Variants in TRABD2A observed in about 807,000 individuals in gnomAD.
TRABD2A encodes the protein TraB domain containing 2A.
TRABD2A carries 43 observed loss-of-function variants against 45.6 expected under a neutral mutation model. The ratio of observed to expected loss-of-function variants is 0.94; its 90% CI spans 0.74 to 1.22. The LOEUF (loss-of-function observed/expected upper bound fraction) is 1.22, where lower values mean the gene tolerates loss of function less well. Among genes scored for constraint, TRABD2A ranks in the 50% most tolerant of loss-of-function variants. The pLI is 0.00. For synonymous variants in TRABD2A, 269 were observed against 265.0 expected, an observed-to-expected ratio of 1.02 and a Z score of -0.15; for missense variants, 642 against 652.4, an observed-to-expected ratio of 0.98 and a Z score of 0.17.
intron 3 of TRABD2A, among the ~76,000 whole-genome samples, chr2:84,840,700 TC>T (rs547422504): frequency 6.6e-6 from 1 of 152,074 alleles, no homozygotes; most frequent in Non-Finnish European, 1.5e-5. Context: ...TTGACTTTTC[TC>T]CCCCCTTCCC....
At chr2:84,846,009 C>G (rs1024153935) in intron 2 of TRABD2A, among the ~76,000 whole-genome samples, 1 of 152,108 alleles carries the variant, frequency 6.6e-6, no homozygotes, top group Admixed American at 6.5e-5. Context: ...AAGTTAAACT[C>G]TCTGATTTCA....
intron 2 of TRABD2A, among the ~76,000 whole-genome samples, chr2:84,855,820 T>C (rs1559093173): frequency 1.3e-5 from 2 of 152,144 alleles, no homozygotes; most frequent in Non-Finnish European, 2.9e-5. Flanking sequence ...CATTGTTGCG[T>C]TAGCCCAGGG....
intron 2 of TRABD2A, among the ~76,000 whole-genome samples, chr2:84,850,484 T>G (rs1682045321): frequency 6.6e-6 from 1 of 151,982 alleles, no homozygotes; most frequent in African/African-American, 2.4e-5. Flanking sequence ...CCAATGGGCG[T>G]GTGACAGCAA....
At chr2:84,840,417 A>ATCC (rs1370949815) in intron 3 of TRABD2A, among the ~76,000 whole-genome samples, 18 of 152,124 alleles carry the variant, frequency 1.2e-4, no homozygotes, top group Admixed American at 1.3e-4. Flanking sequence ...TCCCTCTGAC[A>ATCC]TCCTGCTCCA....
chr2:84,840,870 G>A (rs972876280), intron 3 of TRABD2A, among the ~76,000 whole-genome samples: 3 of 151,926 alleles, frequency 2.0e-5, no homozygotes, highest in Non-Finnish European at 4.4e-5. Flanking sequence ...CATCTTTTGA[G>A]GCTTCTGTCA....
chr2:84,829,721 A>G (rs187738498), intron 5 of TRABD2A, among the ~76,000 whole-genome samples: 80 of 150,088 alleles, frequency 5.3e-4, no homozygotes, highest in African/African-American at 1.9e-3. Flanking sequence ...CACCACACAC[A>G]TGCACAGTAC....
chr2:84,869,729 C>T (rs1234902785), intron 2 of TRABD2A, among the ~76,000 whole-genome samples: 1 of 152,142 alleles, frequency 6.6e-6, no homozygotes, highest in African/African-American at 2.4e-5. Context: ...CCTGTAATCC[C>T]AGCACTTTGG....
At chr2:84,864,775 T>C (rs1229377855) in intron 2 of TRABD2A, among the ~76,000 whole-genome samples, 3 of 152,256 alleles carry the variant, frequency 2.0e-5, no homozygotes, top group Non-Finnish European at 2.9e-5. Flanking sequence ...ACCTGCAAAG[T>C]ACAAAACAAG....
rs1274931888 is a variant in TRABD2A at position 84,830,650 on chromosome 2, G to A, written c.1082+1405C>T. Among the ~76,000 whole-genome samples the A allele has an allele frequency of 1.3e-5, 2 of 152,162 alleles. No individual in the cohort carries two copies. Among genetic ancestry groups the A allele is most frequent in the Non-Finnish European group, 2.9e-5 (2 of 68,030 alleles). ...GGAAAATGAGCAGTCTCACATCAGC[G>A]CTTCTGTAAACTAGAAAGTGCTCTG... On this transcript the variant is annotated intron_variant, in intron 5 of 6. Transcript: ENST00000409520. The surrounding 1 kb of genome is among the most constrained non-coding windows in gnomAD (Gnocchi z 4.9).
chr2:84,877,363 A>G (rs1331798757), intron 1 of TRABD2A, among the ~76,000 whole-genome samples: 1 of 152,196 alleles, frequency 6.6e-6, no homozygotes, highest in Non-Finnish European at 1.5e-5. Flanking sequence ...GAAGCCATAG[A>G]TTTTAACATT....
At chr2:84,860,202 T>A (rs971940551) in intron 2 of TRABD2A, among the ~76,000 whole-genome samples, 1 of 152,168 alleles carries the variant, frequency 6.6e-6, no homozygotes, top group African/African-American at 2.4e-5. Flanking sequence ...ACTTTGCAAC[T>A]TTACCCTGGG....
Position 84,832,089 on chromosome 2 carries a change from C to A in TRABD2A, c.1048G>T (p.Val350Leu). ...LDVLRREGYE[V>L]EHAPAGRPIH... ...GGTCGTCCAGCAGGGGCGTGTTCTA[C>A]CTCATAGCCTTCACGCCGCAAAACA... is the stretch of plus-strand genomic sequence containing the variant. Residue 350 changes from valine (V) to leucine (L), a missense_variant, in exon 5 of 7, where the codon GTA (valine) becomes TTA (leucine). Coordinates refer to ENST00000409520, the MANE Select transcript of TRABD2A (RefSeq NM_001277053.2). 1 of 1,614,048 alleles carries A rather than the reference C, an allele frequency of 6.2e-7. No individual in the cohort carries two copies. Among genetic ancestry groups the A allele is most frequent in the Middle Eastern group, 1.7e-4 (1 of 6,060 alleles).
chr2:84,869,993 T>C (rs1476889437), intron 2 of TRABD2A, among the ~76,000 whole-genome samples: 1 of 128,980 alleles, frequency 7.8e-6, no homozygotes, highest in African/African-American at 3.1e-5. Context: ...AAAAAAAAAG[T>C]ACACAGTATT....
At chr2:84,824,993 A>G (rs532414342) in intron 5 of TRABD2A, among the ~76,000 whole-genome samples, 1 of 152,342 alleles carries the variant, frequency 6.6e-6, no homozygotes, top group African/African-American at 2.4e-5. Context: ...GAAATAAGCT[A>G]CTATAAGGAC....
rs567445833 is a variant in TRABD2A, at chr2:84,873,453, T to A, written c.109-2668A>T. On this transcript the variant is annotated intron_variant, in intron 1 of 6. Coordinates refer to ENST00000409520, the MANE Select transcript of TRABD2A (RefSeq NM_001277053.2). ...AAAAAAAAAATTAAAAACCATTGATTGTTGAAGTAATATTAACAGATGAAT... is the reference window on the plus strand; with the variant it reads ...AAAAAAAAAATTAAAAACCATTGATAGTTGAAGTAATATTAACAGATGAAT... 3.3e-5 allele frequency among the ~76,000 whole-genome samples: 5 copies of A among 152,274 alleles called. No individual in the cohort carries two copies. In the East Asian group the frequency reaches 9.6e-4, roughly 29 times the overall value.
rs1349387913 is a variant in TRABD2A, at chr2:84,830,902, CCAGGGGATGGG to C, written c.1082+1142_1082+1152del. ...GCAGACACAACTGCTGGATCCTCTG[CCAGGGGATGGG>C]CATTTGCATCCTGGAACTCTCTCGC... On this transcript the variant is annotated intron_variant, in intron 5 of 6. Coordinates refer to ENST00000409520, the MANE Select transcript of TRABD2A (RefSeq NM_001277053.2). The surrounding 1 kb of genome is among the most constrained non-coding windows in gnomAD (Gnocchi z 4.9). 6.6e-6 allele frequency among the ~76,000 whole-genome samples: 1 copy of C among 152,096 alleles called. No individual in the cohort carries two copies. Among genetic ancestry groups the C allele is most frequent in the Non-Finnish European group, 1.5e-5 (1 of 68,018 alleles).
intron 2 of TRABD2A, among the ~76,000 whole-genome samples, chr2:84,858,789 C>A (rs1682399703): frequency 6.6e-6 from 1 of 152,208 alleles, no homozygotes; most frequent in South Asian, 2.1e-4. Flanking sequence ...CTGCTTTACA[C>A]ACTGAAGGTC....
chr2:84,865,150 G>A (rs530900095), intron 2 of TRABD2A, among the ~76,000 whole-genome samples: 5 of 152,174 alleles, frequency 3.3e-5, no homozygotes, highest in African/African-American at 1.2e-4. Flanking sequence ...CAAAACTATA[G>A]CTCAAGAATT....
chr2:84,847,604 G>A (rs1681941275), intron 2 of TRABD2A, among the ~76,000 whole-genome samples: 1 of 152,200 alleles, frequency 6.6e-6, no homozygotes. Flanking sequence ...GCCAGGAGGG[G>A]AGAAAGGCAA....
Sources: allele counts gnomAD v4.1 joint callset (sites outside exome capture counted in the v4.1 genomes callset), GRCh38; gene constraint gnomAD v4.1.1; non-coding constraint Gnocchi (gnomAD v3.1); transcripts MANE v1.5; gene names NCBI Gene and HGNC (gene_info 2026-07-23, HGNC 2026-07-21).